Variants in CTNNA2 observed in about 807,000 individuals in gnomAD.
CTNNA2 encodes catenin alpha-2.
Under a neutral mutation model 101.0 loss-of-function variants are expected in CTNNA2, and 42 were observed. The ratio of observed to expected loss-of-function variants is 0.42; its 90% CI spans 0.32 to 0.54. The LOEUF (loss-of-function observed/expected upper bound fraction) is 0.54. Among genes scored for constraint, CTNNA2 ranks in the 20% least tolerant of loss-of-function variants. The probability of loss-of-function intolerance (pLI) is 0.14; values close to 1 mark genes in which losing one functional copy is unlikely to be tolerated. For missense variants in CTNNA2, 871 were observed against 1,223.1 expected, an observed-to-expected ratio of 0.71 and a Z score of 4.29; for synonymous variants, 450 against 456.4, an observed-to-expected ratio of 0.99 and a Z score of 0.18.
At chr2:79,337,189 G>A (rs1220771499) in intron 3 of CTNNA2, among the ~76,000 whole-genome samples, 2 of 152,138 alleles carry the variant, frequency 1.3e-5, no homozygotes, top group African/African-American at 4.8e-5. Flanking sequence ...AGCCTTTGAG[G>A]CAATGGTTCA....
At chr2:80,474,594 T>A (rs1381609664) in intron 9 of CTNNA2, among the ~76,000 whole-genome samples, 1 of 152,202 alleles carries the variant, frequency 6.6e-6, no homozygotes. Flanking sequence ...AACCATTTCC[T>A]ATCAAACCAA....
chr2:80,490,484 A>G (rs1361835459), intron 9 of CTNNA2, among the ~76,000 whole-genome samples: 1 of 152,172 alleles, frequency 6.6e-6, no homozygotes, highest in Non-Finnish European at 1.5e-5. Context: ...TTCATGTGTC[A>G]CAAAATACTA....
intron 4 of CTNNA2, among the ~76,000 whole-genome samples, chr2:79,419,897 GTTA>G (rs1678523310): frequency 6.6e-6 from 1 of 152,034 alleles, no homozygotes; most frequent in African/African-American, 2.4e-5. Flanking sequence ...TAATTCTTTT[GTTA>G]TTGTTGTTGT....
intron 7 of CTNNA2, among the ~76,000 whole-genome samples, chr2:80,239,923 AC>A: frequency 6.6e-6 from 1 of 150,808 alleles, no homozygotes; most frequent in African/African-American, 2.5e-5. Context: ...AAAAAAAAAA[AC>A]AAAAAACAAA....
At chr2:79,610,935 A>T (rs1460048210) in intron 1 of CTNNA2, among the ~76,000 whole-genome samples, 1 of 152,184 alleles carries the variant, frequency 6.6e-6, no homozygotes, top group African/African-American at 2.4e-5. Flanking sequence ...TAACACTAGC[A>T]CACAAAACAA....
Position 79,917,134 on chromosome 2 carries a change from C to T in CTNNA2, c.1056+7337C>T, listed in dbSNP as rs374085048. On this transcript the variant is annotated intron_variant, in intron 7 of 18. Coordinates refer to ENST00000402739, the MANE Select transcript of CTNNA2 (RefSeq NM_001282597.3). Reference sequence around the variant, plus strand: ...GTGGCCAGGCTGTAGTGGAGTGGTGCGATCTCGGCTCACTGCAACTTCAGC... The same window carrying T: ...GTGGCCAGGCTGTAGTGGAGTGGTGTGATCTCGGCTCACTGCAACTTCAGC... Among the ~76,000 whole-genome samples, 174 of 151,572 alleles carry T rather than the reference C, an allele frequency of 1.1e-3. 1 individual carries two copies. The highest frequency in any genetic ancestry group is 3.8e-3 in the African/African-American group (156 of 41,280).
intron 12 of CTNNA2, among the ~76,000 whole-genome samples, chr2:80,560,026 T>C (rs13002199): frequency 0.57 from 82,620 of 145,246 alleles, 23,765 homozygotes; most frequent in African/African-American, 0.63. Context: ...TTCTGCCAGA[T>C]ATTTTTTCTT....
chr2:79,691,006 C>A (rs1684259705), intron 2 of CTNNA2, among the ~76,000 whole-genome samples: 1 of 151,928 alleles, frequency 6.6e-6, no homozygotes, highest in Non-Finnish European at 1.5e-5. Context: ...AATTTTGAAG[C>A]ACACACAACA....
At chr2:79,816,096 T>C (rs1677469848) in intron 3 of CTNNA2, among the ~76,000 whole-genome samples, 2 of 152,284 alleles carry the variant, frequency 1.3e-5, no homozygotes, top group South Asian at 4.1e-4. Flanking sequence ...TTTGTGTACA[T>C]TAATCTTGTA....
chr2:80,472,598 T>C (rs1436077239), intron 9 of CTNNA2, among the ~76,000 whole-genome samples: 5 of 152,148 alleles, frequency 3.3e-5, no homozygotes, highest in African/African-American at 9.7e-5. Context: ...AGGTACCAGA[T>C]TTTCATGTAC....
At chr2:80,097,973 A>T (rs1212540897) in intron 7 of CTNNA2, among the ~76,000 whole-genome samples, 1 of 152,036 alleles carries the variant, frequency 6.6e-6, no homozygotes, top group East Asian at 1.9e-4. Flanking sequence ...AGCTCGGAGT[A>T]GTTCGATCTT....
At chr2:79,260,890 G>A (rs1003918113) in intron 2 of CTNNA2, among the ~76,000 whole-genome samples, 1 of 152,098 alleles carries the variant, frequency 6.6e-6, no homozygotes, top group African/African-American at 2.4e-5. Context: ...AATTATAATG[G>A]TAGATATTTT....
intron 2 of CTNNA2, among the ~76,000 whole-genome samples, chr2:79,241,991 C>T (rs142869165): frequency 9.3e-4 from 141 of 152,036 alleles, no homozygotes; most frequent in African/African-American, 3.1e-3. Flanking sequence ...CTGCAAGCTC[C>T]ACCTCCTGGG....
At chr2:79,959,749 T>C (rs1689501416) in intron 7 of CTNNA2, among the ~76,000 whole-genome samples, 1 of 152,240 alleles carries the variant, frequency 6.6e-6, no homozygotes. Flanking sequence ...TTTGCTCTTT[T>C]CATTGGATCA....
intron 2 of CTNNA2, among the ~76,000 whole-genome samples, chr2:79,696,667 A>G (rs1201806581): frequency 1.3e-5 from 2 of 151,982 alleles, no homozygotes; most frequent in Non-Finnish European, 2.9e-5. Context: ...CTGGGCCTAG[A>G]GGGAGGATGC....
chr2:80,101,193 C>G (rs530933151), intron 7 of CTNNA2, among the ~76,000 whole-genome samples: 1 of 152,280 alleles, frequency 6.6e-6, no homozygotes, highest in East Asian at 1.9e-4. Flanking sequence ...AGCATATTAA[C>G]TACCACAACA....
intron 3 of CTNNA2, among the ~76,000 whole-genome samples, chr2:79,333,135 C>T (rs1366677745): frequency 6.6e-6 from 1 of 152,110 alleles, no homozygotes; most frequent in Non-Finnish European, 1.5e-5. Flanking sequence ...AGTTGTTATA[C>T]AGGGAGCAAA....
intron 9 of CTNNA2, among the ~76,000 whole-genome samples, chr2:80,540,195 C>A (rs1466657250): frequency 6.6e-6 from 1 of 152,160 alleles, no homozygotes; most frequent in Non-Finnish European, 1.5e-5. Context: ...TCATGAGAAA[C>A]TGACCATGTA....
At chr2:79,214,745 G>A (rs1389826122) in intron 2 of CTNNA2, among the ~76,000 whole-genome samples, 1 of 152,098 alleles carries the variant, frequency 6.6e-6, no homozygotes, top group African/African-American at 2.4e-5. Flanking sequence ...TGTAGTCCAA[G>A]AATAGTCAGG....
Sources: gnomAD v4.1 joint callset for allele counts (sites outside exome capture counted in the v4.1 genomes callset) on GRCh38, gnomAD v4.1.1 for gene constraint, MANE v1.5 for transcripts, NCBI Gene and HGNC (gene_info 2026-07-23, HGNC 2026-07-21) for gene names.